The following PLXNC1 variants were observed in gnomAD, a reference collection of about 807,000 sequenced individuals.
PLXNC1 encodes plexin-C1.
In PLXNC1, 75 loss-of-function variants were observed where a neutral mutation model predicts 178.2. The observed-to-expected ratio is 0.42, with a 90% CI of 0.35 to 0.51. The LOEUF is 0.51. Ranked by LOEUF, PLXNC1 falls within the 20% of genes least tolerant of loss-of-function variation. The probability of loss-of-function intolerance (pLI) is 0.02; values close to 1 mark genes in which losing one functional copy is unlikely to be tolerated. For synonymous variants in PLXNC1, 790 were observed against 779.9 expected (o/e 1.01, Z -0.22); for missense variants, 1,503 against 1,984.4 (o/e 0.76, Z 4.61).
chr12:94,279,527 G>C lies in PLXNC1; in HGVS notation c.3653G>C (p.Arg1218Pro). ...IPENESADVCRNISVNVLDCD... is the reference protein window; with the variant it reads ...IPENESADVCPNISVNVLDCD... Reference sequence around the variant, plus strand: ...GAAAACGAGAGTGCAGATGTCTGTCGGAATATTTCAGTCAATGTTCTCGAC... The same window carrying C: ...GAAAACGAGAGTGCAGATGTCTGTCCGAATATTTCAGTCAATGTTCTCGAC... Residue 1218 changes from arginine to proline, a missense_variant, in exon 22 of 31, where the codon CGG (arginine) becomes CCG (proline). Transcript: ENST00000258526. The C allele has an allele frequency of 6.2e-7, 1 of 1,614,148 alleles. No individual in the cohort carries two copies. Among genetic ancestry groups the C allele is most frequent in the Non-Finnish European group, 8.5e-7 (1 of 1,179,990 alleles).
intron 21 of PLXNC1, among the ~76,000 whole-genome samples, chr12:94,268,587 CCTT>C (rs1965384189): frequency 9.9e-6 from 1 of 100,574 alleles, no homozygotes; most frequent in Non-Finnish European, 1.9e-5. Context: ...GAGAATAAGA[CCTT>C]TTTTTTTTTT....
At chr12:94,247,831 C>T (rs1964573376) in intron 12 of PLXNC1, 72 bp from the exon 13 acceptor site, 2 of 1,369,274 alleles carry the variant, frequency 1.5e-6, no homozygotes, top group South Asian at 1.2e-5. Context: ...TTGCTCAGGT[C>T]ACTTAGCTCT....
chr12:94,255,903 G>A (rs962860058), intron 17 of PLXNC1: 2 of 152,542 alleles, frequency 1.3e-5, no homozygotes. Flanking sequence ...ATTTGTTCTA[G>A]GGCTCTGAGG....
chr12:94,184,124 TC>T (rs5800149), intron 3 of PLXNC1, among the ~76,000 whole-genome samples: 119,239 of 141,174 alleles, frequency 0.84, 50,291 homozygotes, highest in East Asian at 0.96. Flanking sequence ...TCTCTCTCTC[TC>T]TTTTTTTTTT....
intron 20 of PLXNC1, among the ~76,000 whole-genome samples, chr12:94,263,850 G>T (rs912202261): frequency 1.3e-5 from 2 of 152,104 alleles, no homozygotes; most frequent in African/African-American, 2.4e-5. Flanking sequence ...GAAGCCCGGG[G>T]ACTGGGGAGG....
intron 12 of PLXNC1, among the ~76,000 whole-genome samples, chr12:94,245,141 G>T (rs946750846): frequency 1.3e-5 from 2 of 152,212 alleles, no homozygotes; most frequent in African/African-American, 2.4e-5. Context: ...CACTGTATCT[G>T]ACTCCAGGCC....
At position 94,227,169 on chromosome 12, in the gene PLXNC1, C is replaced by A; in HGVS notation, c.1914C>A (p.Val638=). 6.2e-7 allele frequency: 1 copy of A among 1,612,104 alleles called. No homozygotes were observed. The highest frequency in any genetic ancestry group is 8.5e-7 in the Non-Finnish European group (1 of 1,178,170). The change falls in exon 9 of 31, where the codon GTC becomes GTA. Residue 638 remains valine, a synonymous_variant. Coordinates refer to ENST00000258526, the MANE Select transcript of PLXNC1 (RefSeq NM_005761.3). ...TCCAGGAACAGTGTCCAGTGGCTGT[C>A]GAGAAGACATCAGGAGGAGGAAGAC... ...ERNQEQCPVA[V]EKTSGGGRPK...
At chr12:94,209,740 T>TTATAC in intron 5 of PLXNC1, 36 bp downstream of exon 5, 1 of 1,262,862 alleles carries the variant, frequency 7.9e-7, no homozygotes, top group Non-Finnish European at 1.2e-6. Context: ...CTCGTTGTAT[T>TTATAC]GTCTCATTTT....
chr12:94,220,052 C>T lies in PLXNC1; in HGVS notation c.1591C>T (p.His531Tyr). 1 of 1,613,844 alleles carries T rather than the reference C, an allele frequency of 6.2e-7. No individual in the cohort carries two copies. Among genetic ancestry groups the T allele is most frequent in the Admixed American group, 1.7e-5 (1 of 60,012 alleles). Residue 531 changes from histidine (H) to tyrosine (Y), a missense_variant, in exon 6 of 31, where the codon CAC (histidine) becomes TAC (tyrosine). By Grantham distance (83) the His-to-Tyr change is moderately conservative. Around this residue, in one of 4 missense-constraint regions of PLXNC1, gnomAD observed 615 missense variants for 698.6 expected, o/e 0.88. Coordinates refer to ENST00000258526, the MANE Select transcript of PLXNC1 (RefSeq NM_005761.3). ...VTMVGSFSPR[H>Y]SKCMVKNVDS... ...TATGGTGGGAAGCTTCTCTCCAAGA[C>T]ACTCAAAGTGCATGGTGAAGAATGT...
At chr12:94,153,013 G>A (rs1350753413) in intron 1 of PLXNC1, among the ~76,000 whole-genome samples, 1 of 152,228 alleles carries the variant, frequency 6.6e-6, no homozygotes, top group African/African-American at 2.4e-5. Context: ...TAAGGCAACC[G>A]ATTTCTGTAG....
At position 94,149,436 on chromosome 12, in the gene PLXNC1, G is replaced by T; in HGVS notation, c.465G>T (p.Ser155=). The change falls in exon 1 of 31, where the codon TCG becomes TCT. Residue 155 remains serine, a synonymous_variant. Transcript: ENST00000258526. ...NSLRNGTEVV[S]CHPQGSTAGV... ...TGCGCAACGGCACCGAGGTGGTGTC[G>T]TGCCACCCGCAGGGCTCGACGGCCG... The T allele has an allele frequency of 5.5e-6, 8 of 1,458,080 alleles. No individual in the cohort carries two copies. The highest frequency in any genetic ancestry group is 1.4e-5 in the South Asian group (1 of 71,154). 90.3% of individuals were successfully genotyped at this position (1,458,080 alleles called of 1,614,324 possible).
chr12:94,301,472 G>C (rs1968461470), intron 28 of PLXNC1, among the ~76,000 whole-genome samples: 1 of 152,174 alleles, frequency 6.6e-6, no homozygotes, highest in South Asian at 2.1e-4. Context: ...TCTTGCTCAA[G>C]ATTTCTAACA....
intron 24 of PLXNC1, 122 bp from the exon 25 acceptor site, chr12:94,297,067 A>C: frequency 1.1e-6 from 1 of 886,478 alleles, no homozygotes; most frequent in South Asian, 1.5e-5. Context: ...GGAGAGCTCA[A>C]GTCAAAAAGC....
At chr12:94,163,037 T>C (rs1961448298) in intron 1 of PLXNC1, among the ~76,000 whole-genome samples, 1 of 152,130 alleles carries the variant, frequency 6.6e-6, no homozygotes, top group Non-Finnish European at 1.5e-5. Flanking sequence ...TGTTTCCTCC[T>C]GGACAAGCAC....
At chr12:94,183,938 A>G (rs1443402699) in intron 3 of PLXNC1, among the ~76,000 whole-genome samples, 1 of 152,216 alleles carries the variant, frequency 6.6e-6, no homozygotes, top group Non-Finnish European at 1.5e-5. Flanking sequence ...AGTCCAAGGA[A>G]GGCTCTTGGG....
At chr12:94,150,705 C>T (rs1311700463) in intron 1 of PLXNC1, 1 of 152,466 alleles carries the variant, frequency 6.6e-6, no homozygotes, top group African/African-American at 2.4e-5. Flanking sequence ...GCTGTGGTCG[C>T]CAGCCGCCGG....
At chr12:94,288,258 C>T (rs1449613412) in intron 23 of PLXNC1, among the ~76,000 whole-genome samples, 2 of 152,310 alleles carry the variant, frequency 1.3e-5, no homozygotes, top group South Asian at 2.1e-4. Context: ...CTACTTTAAC[C>T]CTCTTTTTGG....
intron 5 of PLXNC1, among the ~76,000 whole-genome samples, chr12:94,219,803 T>TTTTATTTATTTATTTATTTGTTTA (rs1266865746): frequency 1.9e-4 from 22 of 116,482 alleles, no homozygotes; most frequent in African/African-American, 4.5e-4. Flanking sequence ...TCTTTTATAT[T>TTTTATTTATTTATTTATTTGTTTA]TTTATTTATT....
chr12:94,157,655 T>C (rs544043812), intron 1 of PLXNC1, among the ~76,000 whole-genome samples: 1 of 152,350 alleles, frequency 6.6e-6, no homozygotes, highest in South Asian at 2.1e-4. Context: ...TAGCTACACA[T>C]AGTGCTTTCC....
Sources: gnomAD v4.1 joint callset for allele counts (sites outside exome capture counted in the v4.1 genomes callset) on GRCh38, gnomAD v4.1.1 for gene constraint, gnomAD v4.1.1 regional missense constraint, MANE v1.5 for transcripts, NCBI Gene and HGNC (gene_info 2026-07-23, HGNC 2026-07-21) for gene names.